GCNT4: variants seen among roughly 807,000 people sequenced by gnomAD.
The protein encoded by GCNT4 is glucosaminyl (N-acetyl) transferase 4.
A neutral mutation model predicts 31.3 loss-of-function variants in GCNT4; 17 were observed. The observed-to-expected ratio is 0.54, with a 90% CI of 0.37 to 0.81. The LOEUF (loss-of-function observed/expected upper bound fraction) is 0.81, where lower values mean the gene tolerates loss of function less well. Ranked by LOEUF, GCNT4 falls within the 40% of genes least tolerant of loss-of-function variation. The pLI is 0.00. For synonymous variants in GCNT4, 158 were observed against 190.6 expected (o/e 0.83, Z 1.41); for missense variants, 503 against 525.5 (o/e 0.96, Z 0.42).
upstream of GCNT4, chr5:75,052,712 C>T (rs1743605075): frequency 6.6e-6 from 1 of 152,252 alleles, no homozygotes; most frequent in Non-Finnish European, 1.5e-5. Context: ...CGGTAGCAGT[C>T]CTTTCAGGCG....
Position 75,039,979 on chromosome 5 carries a change from C to T in GCNT4, c.-2+7918G>A, listed in dbSNP as rs567439949. 9.2e-5 allele frequency among the ~76,000 whole-genome samples: 14 copies of T among 152,236 alleles called. No individual in the cohort carries two copies. The South Asian group carries it at 2.5e-3, about 27-fold the overall frequency. ...CAGTTCCCATGGCTGCCTTACTCTA[C>T]GAGTTCATCTTATTCTACTCTGTCT... On this transcript the variant is annotated intron_variant, in intron 3 of 3. Transcript: ENST00000652361.
chr5:75,051,476 C>T (rs1352074322), intron 2 of GCNT4, among the ~76,000 whole-genome samples: 1 of 150,216 alleles, frequency 6.7e-6, no homozygotes, highest in Non-Finnish European at 1.5e-5. Context: ...TTTACCTCTC[C>T]TATGTGGTGC....
In GCNT4 at chr5:75,052,542, C is replaced by A. The variant is rs1032732804; in HGVS notation, c.-315G>T. 6.6e-6 allele frequency: 1 copy of A among 152,248 alleles called. No individual in the cohort carries two copies. Among genetic ancestry groups the A allele is most frequent in the Non-Finnish European group, 1.5e-5 (1 of 68,052 alleles). The allele number at this position is 152,248 out of a possible 1,614,324, so 9.4% of individuals were successfully genotyped here. A position where few individuals can be genotyped will look rare whatever the true frequency, so the allele number is the denominator to read the frequency against. On this transcript the variant is annotated 5_prime_UTR_variant, in exon 1 of 4. Transcript: ENST00000652361. ...TAGGCACCGCCACCTCGCAGGCAGA[C>A]GATCCCGGCCCGCTCTGCGGCACAA... is the stretch of plus-strand genomic sequence containing the variant.
At chr5:75,032,872 G>GGTGTGTGTGTGTGTGTGTGT (rs60551634) in intron 3 of GCNT4, among the ~76,000 whole-genome samples, 4 of 130,646 alleles carry the variant, frequency 3.1e-5, no homozygotes, top group Non-Finnish European at 6.8e-5. Context: ...CCCAAATAGG[G>GGTGTGTGTGTGTGTGTGTGT]GTGTGTGTGT....
chr5:75,020,342 T>C, the GCNT4 span, among the ~76,000 whole-genome samples: 1 of 152,104 alleles, frequency 6.6e-6, no homozygotes, highest in Non-Finnish European at 1.5e-5. Flanking sequence ...TGGGGACCCC[T>C]GTAAGGGAGA....
At chr5:75,034,155 G>A (rs747757081) in intron 3 of GCNT4, among the ~76,000 whole-genome samples, 2 of 152,234 alleles carry the variant, frequency 1.3e-5, no homozygotes, top group Non-Finnish European at 2.9e-5. Flanking sequence ...TCCCAGCTGC[G>A]GTGGGCACTA....
At chr5:75,048,872 C>T (rs1455483163) in intron 2 of GCNT4, among the ~76,000 whole-genome samples, 1 of 152,174 alleles carries the variant, frequency 6.6e-6, no homozygotes, top group Non-Finnish European at 1.5e-5. Flanking sequence ...GAAGTAATGA[C>T]TCAATAGAGG....
rs1455557145 is a variant in GCNT4, at chr5:75,028,088, C to G, written c.*588G>C. 1 of 152,696 alleles carries G rather than the reference C, an allele frequency of 6.5e-6. No homozygotes were observed. Among genetic ancestry groups the G allele is most frequent in the Non-Finnish European group, 1.5e-5 (1 of 68,276 alleles). The allele number at this position is 152,696 out of a possible 1,614,324, so 9.5% of individuals were successfully genotyped here. ...TCAACCCTGAATTGACCAAGTAATG[C>G]ACCAAAAGGCAGATTATGCTTTGGC... On this transcript the variant is annotated 3_prime_UTR_variant, in exon 4 of 4. Transcript: ENST00000652361.
At chr5:75,050,905 CG>C (rs1312780081) in intron 2 of GCNT4, among the ~76,000 whole-genome samples, 2 of 152,190 alleles carry the variant, frequency 1.3e-5, no homozygotes, top group Non-Finnish European at 2.9e-5. Context: ...CCATTCTCCA[CG>C]GGGCAGCTGG....
Position 75,029,482 on chromosome 5 carries a change from T to C in GCNT4, c.556A>G (p.Ile186Val), listed in dbSNP as rs1743014144. The C allele has an allele frequency of 6.2e-7, 1 of 1,614,052 alleles. No individual in the cohort carries two copies. Residue 186 changes from isoleucine to valine, a missense_variant, in exon 4 of 4, where the codon ATT becomes GTT. Coordinates refer to ENST00000652361, the MANE Select transcript of GCNT4 (RefSeq NM_001366737.1). ...MNNLAKCFSN[I>V]FIASKLEAVE... ...GCCTCTAATTTGGAAGCAATGAAAATATTGGAGAAGCACTTAGCTAAATTG... is the reference window on the plus strand; with the variant it reads ...GCCTCTAATTTGGAAGCAATGAAAACATTGGAGAAGCACTTAGCTAAATTG...
At chr5:75,022,618 CT>C (rs1742892634), downstream of GCNT4, among the ~76,000 whole-genome samples, 1 of 152,164 alleles carries the variant, frequency 6.6e-6, no homozygotes. Context: ...TTTAGAAGGC[CT>C]CCAGATGATT....
At position 75,027,406 on chromosome 5, in the gene GCNT4, T is replaced by G. The variant is rs1422827370; in HGVS notation, c.*1270A>C. 2.8e-5 allele frequency: 4 copies of G among 143,280 alleles called. No individual in the cohort carries two copies. The highest frequency in any genetic ancestry group is 4.5e-5 in the Non-Finnish European group (3 of 66,146). The allele number at this position is 143,280 out of a possible 1,614,324, so 8.9% of individuals were successfully genotyped here. On this transcript the variant is annotated 3_prime_UTR_variant, in exon 4 of 4. Coordinates refer to ENST00000652361, the MANE Select transcript of GCNT4 (RefSeq NM_001366737.1). ...ATGGAATTGTTCTATATATAATATA[T>G]AACATAAATATATATTACATATATA... is the stretch of plus-strand genomic sequence containing the variant.
chr5:75,053,186 GC>G (rs1356717645), upstream of GCNT4, among the ~76,000 whole-genome samples: 3 of 150,940 alleles, frequency 2.0e-5, no homozygotes, highest in East Asian at 5.9e-4. Flanking sequence ...GCCGCGGGGA[GC>G]CCCGAAGTTG....
In GCNT4 at chr5:75,028,924, T is replaced by C; in HGVS notation, c.1114A>G (p.Asn372Asp). ...LQSKTRLVKW[N>D]YYEGFFYPSC... ...GGATAGAAAAAGCCTTCATAGTAATTCCACTTGACAAGGCGAGTCTTACTC... is the reference window on the plus strand; with the variant it reads ...GGATAGAAAAAGCCTTCATAGTAATCCCACTTGACAAGGCGAGTCTTACTC... The change falls in exon 4 of 4, where the codon AAT (asparagine) becomes GAT (aspartate). Residue 372 changes from asparagine (N) to aspartate (D), a missense_variant. Asn to Asp is a conservative substitution (Grantham distance 23). Transcript: ENST00000652361. The C allele has an allele frequency of 6.2e-7, 1 of 1,613,918 alleles. No homozygotes were observed.
chr5:75,020,242 A>T, the GCNT4 span, among the ~76,000 whole-genome samples: 1 of 152,234 alleles, frequency 6.6e-6, no homozygotes, highest in Non-Finnish European at 1.5e-5. Flanking sequence ...ACTGCCCTGC[A>T]GATGCTGTGC....
At chr5:75,032,922 T>TGTGTG in intron 3 of GCNT4, among the ~76,000 whole-genome samples, 1 of 145,804 alleles carries the variant, frequency 6.9e-6, no homozygotes, top group Non-Finnish European at 1.5e-5. Flanking sequence ...TGTGTGTGTG[T>TGTGTG]GATTAATTCA....
At chr5:75,045,025 C>G (rs938374082) in intron 3 of GCNT4, among the ~76,000 whole-genome samples, 3 of 152,172 alleles carry the variant, frequency 2.0e-5, no homozygotes, top group African/African-American at 7.2e-5. Flanking sequence ...ATAACCTATA[C>G]TTTCCAAGTA....
intron 3 of GCNT4, among the ~76,000 whole-genome samples, chr5:75,041,626 A>C (rs1256220633): frequency 6.6e-6 from 1 of 152,222 alleles, no homozygotes; most frequent in African/African-American, 2.4e-5. Flanking sequence ...CCACATCAGG[A>C]TGTACATACC....
At chr5:75,040,566 T>C (rs936076914) in intron 3 of GCNT4, among the ~76,000 whole-genome samples, 3 of 152,168 alleles carry the variant, frequency 2.0e-5, no homozygotes, top group Non-Finnish European at 4.4e-5. Context: ...TTCTTTCCCA[T>C]GTGTTAAATG....
Sources: gnomAD v4.1 joint callset for allele counts (sites outside exome capture counted in the v4.1 genomes callset) on GRCh38, gnomAD v4.1.1 for gene constraint, MANE v1.5 for transcripts, NCBI Gene and HGNC (gene_info 2026-07-23, HGNC 2026-07-21) for gene names.